BSDC1: variants seen among roughly 807,000 people sequenced by gnomAD.
The protein encoded by BSDC1 is BSD domain-containing protein 1.
A neutral mutation model predicts 56.0 loss-of-function variants in BSDC1; 29 were observed. The observed-to-expected ratio is 0.52, with a 90% CI of 0.39 to 0.71. BSDC1 has a LOEUF of 0.71. Ranked by LOEUF, BSDC1 falls within the 30% of genes least tolerant of loss-of-function variation. The pLI, the probability that BSDC1 is intolerant of heterozygous loss-of-function variation, is 0.00. For synonymous variants in BSDC1, 210 were observed against 215.3 expected, an observed-to-expected ratio of 0.98 and a Z score of 0.21; for missense variants, 477 against 548.5, an observed-to-expected ratio of 0.87 and a Z score of 1.30.
chr1:32,369,537 C>T (rs1463063539), intron 9 of BSDC1, among the ~76,000 whole-genome samples: 1 of 152,084 alleles, frequency 6.6e-6, no homozygotes, highest in Non-Finnish European at 1.5e-5. Flanking sequence ...CCCTCGGACC[C>T]CCAAACAGTA....
Position 32,389,079 on chromosome 1 carries a change from C to T in BSDC1, c.73-2184G>A, listed in dbSNP as rs139790848. On this transcript the variant is annotated intron_variant, in intron 2 of 10. Transcript: ENST00000455895. ...ATGCCATTCTCCTGCCTCAGCCTCC[C>T]GAGTAGCTGGGACTACAGGCGCCCG... is the stretch of plus-strand genomic sequence containing the variant. Among the ~76,000 whole-genome samples, 788 of 152,006 alleles carry T rather than the reference C, an allele frequency of 5.2e-3. 5 individuals are homozygous for T. Among genetic ancestry groups the T allele is most frequent in the African/African-American group, 0.018 (745 of 41,454 alleles).
intron 1 of BSDC1, 48 bp downstream of exon 1, chr1:32,394,356 C>T (rs1341467385): frequency 1.4e-5 from 23 of 1,614,050 alleles, no homozygotes; most frequent in Admixed American, 1.7e-5. Flanking sequence ...CACCCCAACC[C>T]TGGGAGAATT....
chr1:32,376,794 A>G, intron 8 of BSDC1, 53 bp from the exon 9 acceptor site: 1 of 1,328,422 alleles, frequency 7.5e-7, no homozygotes, highest in Non-Finnish European at 9.7e-7. Flanking sequence ...GGCCAGCCAT[A>G]AGACAACCTT....
In BSDC1 at chr1:32,366,118, C is replaced by G. The variant is rs1641840539; in HGVS notation, c.*504G>C. 1 of 171,950 alleles carries G rather than the reference C, an allele frequency of 5.8e-6. No homozygotes were observed. Among genetic ancestry groups the G allele is most frequent in the South Asian group, 1.1e-4 (1 of 8,712 alleles). 10.7% of individuals were successfully genotyped at this position (171,950 alleles called of 1,614,324 possible). On this transcript the variant is annotated 3_prime_UTR_variant, in exon 11 of 11. Transcript: ENST00000455895. The stretch of plus-strand genomic sequence containing the variant: ...GAGGCAAATTTCCCAGAGATAAGTG[C>G]CTCTTACCCACTGGGATAGGAACCA...
Position 32,383,834 on chromosome 1 carries a change from GT to G in BSDC1, c.352del (p.Thr118ProfsTer47). On this transcript the variant is annotated frameshift_variant, in exon 4 of 11. Transcript: ENST00000455895. LOFTEE classifies it high-confidence loss of function. ...GGGGAGACTGTCAGTGAATACCTTG[GT>G]GCCATCATAGGGCTCAGCTGTGCCA... is the stretch of plus-strand genomic sequence containing the variant. ...PSGTAEPYDG[T>X]KARLYSLQSD... The G allele has an allele frequency of 6.2e-7, 1 of 1,612,174 alleles. No homozygotes were observed. The highest frequency in any genetic ancestry group is 8.5e-7 in the Non-Finnish European group (1 of 1,179,990).
intron 10 of BSDC1, chr1:32,367,976 C>T: frequency 9.0e-7 from 1 of 1,104,988 alleles, no homozygotes; most frequent in Non-Finnish European, 1.1e-6. Context: ...AGGCCTCATA[C>T]CTGAGGACCA....
chr1:32,367,889 C>G, intron 10 of BSDC1: 1 of 1,010,722 alleles, frequency 9.9e-7, no homozygotes, highest in Middle Eastern at 5.0e-4. Context: ...AGATGAGGAA[C>G]CAGGGGCTCA....
chr1:32,373,950 T>C (rs1006532707), intron 9 of BSDC1, among the ~76,000 whole-genome samples: 2 of 152,208 alleles, frequency 1.3e-5, no homozygotes, highest in Non-Finnish European at 2.9e-5. Context: ...AACATGTTGA[T>C]GGTCTCACTT....
chr1:32,376,236 C>T (rs1356668640), intron 9 of BSDC1, 26 bp downstream of exon 9: 1 of 1,457,154 alleles, frequency 6.9e-7, no homozygotes, highest in Non-Finnish European at 9.1e-7. Flanking sequence ...GCACACAACC[C>T]TCTGGGCTTG....
intron 9 of BSDC1, among the ~76,000 whole-genome samples, chr1:32,371,317 T>TA (rs1476968792): frequency 6.7e-6 from 1 of 149,018 alleles, no homozygotes; most frequent in African/African-American, 2.5e-5. Flanking sequence ...TTTTTTTTTT[T>TA]TTTTTTTTTA....
chr1:32,378,347 C>A lies in BSDC1; in HGVS notation c.529-64G>T, dbSNP rs1483871728. On this transcript the variant is annotated intron_variant, in intron 6 of 10. Transcript: ENST00000455895. This position sits in a 1 kb window ranked among gnomAD's most constrained non-coding sequence, Gnocchi z 5.2. ...GTTTGTGTGGGGTCTGTGTCCCCAG[C>A]CTTATCAGTCTATTCCCAGCCAGTC... is the stretch of plus-strand genomic sequence containing the variant. 2.7e-6 allele frequency: 4 copies of A among 1,476,404 alleles called. No individual in the cohort carries two copies. The African/African-American group carries it at 4.2e-5, about 15-fold the overall frequency. The allele number at this position is 1,476,404 out of a possible 1,614,324, so 91.5% of individuals were successfully genotyped here. A position where few individuals can be genotyped will look rare whatever the true frequency, so the allele number is the denominator to read the frequency against.
intron 9 of BSDC1, chr1:32,369,401 C>T: frequency 1.2e-6 from 1 of 802,368 alleles, no homozygotes; most frequent in Non-Finnish European, 1.8e-6. Flanking sequence ...CCCAGCTACT[C>T]AGGAGGCTGA....
At chr1:32,389,845 C>T (rs1393245563) in intron 2 of BSDC1, among the ~76,000 whole-genome samples, 3 of 151,832 alleles carry the variant, frequency 2.0e-5, no homozygotes, top group Non-Finnish European at 2.9e-5. Flanking sequence ...TGGTGGTACA[C>T]GCCTATAGTC....
intron 2 of BSDC1, among the ~76,000 whole-genome samples, chr1:32,390,069 T>C (rs1162807491): frequency 6.6e-6 from 1 of 151,328 alleles, no homozygotes; most frequent in East Asian, 1.9e-4. Flanking sequence ...ACATAAAATG[T>C]GAAGCAAGAG....
intron 3 of BSDC1, among the ~76,000 whole-genome samples, chr1:32,386,135 C>T (rs1224510799): frequency 1.3e-5 from 2 of 151,936 alleles, no homozygotes; most frequent in South Asian, 2.1e-4. Flanking sequence ...CTGGCTAACA[C>T]GGTGCACCCC....
intron 10 of BSDC1, chr1:32,367,252 G>A (rs1641887436): frequency 3.0e-6 from 3 of 985,330 alleles, no homozygotes; most frequent in Admixed American, 1.2e-4. Flanking sequence ...CTCTTGGCCT[G>A]CTGTCGGCTA....
At chr1:32,371,532 G>C (rs535813849) in intron 9 of BSDC1, among the ~76,000 whole-genome samples, 1 of 151,774 alleles carries the variant, frequency 6.6e-6, no homozygotes, top group African/African-American at 2.4e-5. Context: ...GGATGGTCTC[G>C]ATCTCCTGAC....
At chr1:32,366,975 C>G in intron 10 of BSDC1, 1 of 1,103,958 alleles carries the variant, frequency 9.1e-7, no homozygotes, top group East Asian at 5.3e-5. Flanking sequence ...GAACTTGCCT[C>G]CTGCTGAGCA....
chr1:32,387,168 T>C (rs914521224), intron 2 of BSDC1, among the ~76,000 whole-genome samples: 4 of 152,262 alleles, frequency 2.6e-5, no homozygotes, highest in Admixed American at 6.5e-5. Context: ...TCTCATCTAG[T>C]TCTCAGTTTT....
Sources: allele counts gnomAD v4.1 joint callset (sites outside exome capture counted in the v4.1 genomes callset), GRCh38; gene constraint gnomAD v4.1.1; non-coding constraint Gnocchi (gnomAD v3.1); transcripts MANE v1.5; gene names NCBI Gene and HGNC (gene_info 2026-07-23, HGNC 2026-07-21).